TLN2: variants seen among roughly 807,000 people sequenced by gnomAD.
TLN2 encodes talin 2.
A neutral mutation model predicts 294.7 loss-of-function variants in TLN2; 118 were observed. The ratio of observed to expected loss-of-function variants is 0.40; its 90% CI spans 0.34 to 0.47. The LOEUF is 0.47. Among genes scored for constraint, TLN2 ranks in the 20% least tolerant of loss-of-function variants. The probability of loss-of-function intolerance (pLI) is 0.84; values close to 1 mark genes in which losing one functional copy is unlikely to be tolerated. For missense variants in TLN2, 3,083 were observed against 3,282.2 expected (o/e 0.94, Z 1.48); for synonymous variants, 1,431 against 1,304.5 (o/e 1.10, Z -2.09).
chr15:62,612,175 C>T (rs112429739), intron 2 of TLN2, among the ~76,000 whole-genome samples: 1,888 of 152,280 alleles, frequency 0.012, 20 homozygotes, highest in Non-Finnish European at 0.017. Context: ...ATTGAACAAT[C>T]GTCCTTCACT....
At chr15:62,777,636 C>G (rs1168828784) in intron 43 of TLN2, among the ~76,000 whole-genome samples, 1 of 152,108 alleles carries the variant, frequency 6.6e-6, no homozygotes, top group South Asian at 2.1e-4. Context: ...CCCCAACCCA[C>G]TCAATTGGGT....
chr15:62,714,607 A>G (rs2059653094), intron 22 of TLN2, among the ~76,000 whole-genome samples: 1 of 152,170 alleles, frequency 6.6e-6, no homozygotes, highest in Non-Finnish European at 1.5e-5. Flanking sequence ...GGTTATTTAT[A>G]TTAAATGAGA....
intron 32 of TLN2, among the ~76,000 whole-genome samples, chr15:62,741,746 C>CGTGTGTGTGTGTGTGTGTGTGTGTGTGT (rs1555495614): frequency 1.8e-3 from 2 of 1,086 alleles, no homozygotes; most frequent in African/African-American, 2.4e-3. Context: ...TTAAAATTTG[C>CGTGTGTGTGTGTGTGTGTGTGTGTGTGT]GCGTGTGTGT....
chr15:62,494,780 A>G (rs1013620313), intron 1 of TLN2, among the ~76,000 whole-genome samples: 1 of 152,066 alleles, frequency 6.6e-6, no homozygotes, highest in African/African-American at 2.4e-5. Flanking sequence ...CCCTGCTCCC[A>G]CCATGCATTC....
chr15:62,773,766 TA>T (rs1359025022), intron 42 of TLN2, among the ~76,000 whole-genome samples: 1 of 152,202 alleles, frequency 6.6e-6, no homozygotes, highest in Non-Finnish European at 1.5e-5. Context: ...ACGAGTAAAT[TA>T]CTTCATTTCT....
rs147271420 is a variant in TLN2 at position 62,647,379 on chromosome 15, A to G, written c.69A>G (p.Pro23=). 6.2e-7 allele frequency: 1 copy of G among 1,614,234 alleles called. No homozygotes were observed. The highest frequency in any genetic ancestry group is 1.1e-5 in the South Asian group (1 of 91,088). ...CNVVKTMQFE[P]STAVYDACRV... ...TGGTGAAGACCATGCAGTTTGAACC[A>G]TCTACAGCTGTGTACGATGCGTGTC... The change falls in exon 4 of 59, where the codon CCA becomes CCG. Residue 23 remains proline (P), a synonymous_variant. Transcript: ENST00000636159.
At chr15:62,493,937 A>G (rs1428636696) in intron 1 of TLN2, among the ~76,000 whole-genome samples, 1 of 152,080 alleles carries the variant, frequency 6.6e-6, no homozygotes, top group African/African-American at 2.4e-5. Context: ...TAAGTAAATA[A>G]CAATCTCCTT....
intron 51 of TLN2, among the ~76,000 whole-genome samples, chr15:62,807,056 GGT>G (rs199947663): frequency 0.021 from 3,230 of 152,106 alleles, 61 homozygotes; most frequent in Admixed American, 0.034. Context: ...GAGAGAAGAG[GGT>G]GTGTTGGAAA....
chr15:62,606,868 G>A (rs552001225), intron 2 of TLN2, among the ~76,000 whole-genome samples: 2 of 152,128 alleles, frequency 1.3e-5, no homozygotes, highest in Non-Finnish European at 2.9e-5. Flanking sequence ...TCCTCGCAGT[G>A]TTTGTTGTAA....
At chr15:62,790,605 A>G (rs763395197) in intron 45 of TLN2, among the ~76,000 whole-genome samples, 1 of 152,158 alleles carries the variant, frequency 6.6e-6, no homozygotes, top group Non-Finnish European at 1.5e-5. Flanking sequence ...GCAGCACTTT[A>G]TCCTTTAAAG....
At chr15:62,531,115 A>T (rs2041018728) in intron 1 of TLN2, among the ~76,000 whole-genome samples, 1 of 152,188 alleles carries the variant, frequency 6.6e-6, no homozygotes, top group Non-Finnish European at 1.5e-5. Context: ...GTTTATGGAG[A>T]TCTCTACTCT....
intron 1 of TLN2, among the ~76,000 whole-genome samples, chr15:62,533,230 G>A (rs955487405): frequency 1.2e-4 from 17 of 142,544 alleles, no homozygotes; most frequent in African/African-American, 4.4e-4. Context: ...CTCCAGCCTC[G>A]GTGACAGAGT....
intron 1 of TLN2, among the ~76,000 whole-genome samples, chr15:62,438,511 C>T (rs1453124858): frequency 6.6e-6 from 1 of 152,164 alleles, no homozygotes; most frequent in Admixed American, 6.5e-5. Flanking sequence ...GATCTCCTTA[C>T]CTCTGACCAC....
chr15:62,539,957 C>T (rs1057106458), intron 1 of TLN2, among the ~76,000 whole-genome samples: 11 of 151,422 alleles, frequency 7.3e-5, no homozygotes, highest in Non-Finnish European at 1.3e-4. Flanking sequence ...CCTCCAACTG[C>T]TCATTTTGCA....
intron 1 of TLN2, among the ~76,000 whole-genome samples, chr15:62,395,803 A>G (rs1162059891): frequency 4.6e-5 from 7 of 152,176 alleles, no homozygotes; most frequent in Admixed American, 2.0e-4. Context: ...GCAGAGTATC[A>G]TATGTATGTT....
intron 39 of TLN2, among the ~76,000 whole-genome samples, chr15:62,762,949 G>A (rs1415507961): frequency 1.3e-5 from 2 of 152,150 alleles, no homozygotes; most frequent in African/African-American, 4.8e-5. Flanking sequence ...GTCGATAGTG[G>A]GAGCCTAAAA....
Position 62,474,948 on chromosome 15 carries a change from C to T in TLN2, c.-238+84263C>T, listed in dbSNP as rs567106932. ...AAAAAAAAAGTGGGACTGGTTGCTG[C>T]AGTTTCAAAACAAATGACCTCACTG... is the stretch of plus-strand genomic sequence containing the variant. On this transcript the variant is annotated intron_variant, in intron 1 of 58. Coordinates refer to ENST00000636159, the MANE Select transcript of TLN2 (RefSeq NM_015059.3). 5.3e-5 allele frequency among the ~76,000 whole-genome samples: 8 copies of T among 152,216 alleles called. No individual in the cohort carries two copies. In the South Asian group the frequency reaches 1.7e-3, roughly 32 times the overall value.
At chr15:62,825,829 A>ATATAT (rs10670862) in intron 54 of TLN2, among the ~76,000 whole-genome samples, 5 of 12,914 alleles carry the variant, frequency 3.9e-4, no homozygotes, top group African/African-American at 1.1e-3. Flanking sequence ...TATATATTAT[A>ATATAT]ATATATAATA....
At chr15:62,736,021 A>T (rs2060990255) in intron 28 of TLN2, among the ~76,000 whole-genome samples, 1 of 152,216 alleles carries the variant, frequency 6.6e-6, no homozygotes. Context: ...AAGTTTAAGA[A>T]CAGGTAAAAG....
Sources: gnomAD v4.1 joint callset for allele counts (sites outside exome capture counted in the v4.1 genomes callset) on GRCh38, gnomAD v4.1.1 for gene constraint, MANE v1.5 for transcripts, NCBI Gene and HGNC (gene_info 2026-07-23, HGNC 2026-07-21) for gene names.